The following DMRT2 variants were observed in gnomAD, a reference collection of about 807,000 sequenced individuals.
DMRT2 encodes doublesex- and mab-3-related transcription factor 2.
In DMRT2, 33 loss-of-function variants were observed where a neutral mutation model predicts 43.5. The observed-to-expected ratio is 0.76, with a 90% CI of 0.58 to 1.01. The LOEUF (loss-of-function observed/expected upper bound fraction) is 1.01. Among genes scored for constraint, DMRT2 ranks in the 50% least tolerant of loss-of-function variants. The probability of loss-of-function intolerance (pLI) is 0.00; values close to 1 mark genes in which losing one functional copy is unlikely to be tolerated. For missense variants in DMRT2, 1,064 were observed against 748.0 expected, an observed-to-expected ratio of 1.42 and a Z score of -4.93; for synonymous variants, 395 against 309.2, an observed-to-expected ratio of 1.28 and a Z score of -2.91.
intron 2 of DMRT2, among the ~76,000 whole-genome samples, 184 bp from the exon 3 acceptor site, chr9:1,053,538 C>T (rs1313744965): frequency 2.6e-5 from 4 of 152,228 alleles, no homozygotes; most frequent in Non-Finnish European, 4.4e-5. Flanking sequence ...GTTCCAGCTC[C>T]TTGCCCTAGG....
Position 1,051,115 on chromosome 9 carries a change from T to C in DMRT2, c.-45+340T>C, listed in dbSNP as rs887767392. Among the ~76,000 whole-genome samples, 7 of 152,294 alleles carry C rather than the reference T, an allele frequency of 4.6e-5. No individual in the cohort carries two copies. Among genetic ancestry groups the C allele is most frequent in the Non-Finnish European group, 8.8e-5 (6 of 68,030 alleles). On this transcript the variant is annotated intron_variant, in intron 1 of 3. Coordinates refer to ENST00000358146, the MANE Select transcript of DMRT2 (RefSeq NM_181872.6). This position sits in a 1 kb window ranked among gnomAD's most constrained non-coding sequence, Gnocchi z 5.9. ...GCATTTGGGAAGCATAGAGTGGTAC[T>C]TCAGTGAGTCTGAAGGGCCACTTGT...
Position 1,051,481 on chromosome 9 carries a change from G to A in DMRT2, c.-44-89G>A. 7.2e-7 allele frequency: 1 copy of A among 1,382,082 alleles called. No individual in the cohort carries two copies. Among genetic ancestry groups the A allele is most frequent in the South Asian group, 1.6e-5 (1 of 62,838 alleles). 85.6% of individuals were successfully genotyped at this position (1,382,082 alleles called of 1,614,324 possible). A position where few individuals can be genotyped will look rare whatever the true frequency, so the allele number is the denominator to read the frequency against. On this transcript the variant is annotated intron_variant, in intron 1 of 3. Transcript: ENST00000358146. The surrounding 1 kb of genome is among the most constrained non-coding windows in gnomAD (Gnocchi z 5.9). ...AACAGGATGACTCAAGCGGCCGGAG[G>A]CGGGCAGACCAGGAGCTTTGGGCCG...
intron 2 of DMRT2, 95 bp downstream of exon 2, chr9:1,052,233 G>A (rs1390196721): frequency 1.0e-6 from 1 of 977,866 alleles, no homozygotes; most frequent in South Asian, 2.7e-5. Flanking sequence ...CGCGCCCAGG[G>A]CCTTGCGGTG....
rs1822084090 is a variant in DMRT2, at chr9:1,057,427, C to G, written c.*154C>G. 2.6e-6 allele frequency: 2 copies of G among 783,026 alleles called. No homozygotes were observed. Among genetic ancestry groups the G allele is most frequent in the Non-Finnish European group, 1.9e-6 (1 of 516,374 alleles). 48.5% of individuals were successfully genotyped at this position (783,026 alleles called of 1,614,324 possible). A position where few individuals can be genotyped will look rare whatever the true frequency, so the allele number is the denominator to read the frequency against. On this transcript the variant is annotated 3_prime_UTR_variant, in exon 4 of 4. Transcript: ENST00000358146. Reference sequence around the variant, plus strand: ...TTTATATATTCCTAATATGCATGTACTTTTTCTTATCACATATATTTAAAC... The same window carrying G: ...TTTATATATTCCTAATATGCATGTAGTTTTTCTTATCACATATATTTAAAC...
At chr9:1,052,220 C>G (rs1821645568) in intron 2 of DMRT2, 82 bp downstream of exon 2, 1 of 1,183,046 alleles carries the variant, frequency 8.5e-7, no homozygotes, top group African/African-American at 1.6e-5. Flanking sequence ...CGTCCACACC[C>G]CCCGCGCCCA....
chr9:1,057,117 C>G lies in DMRT2; in HGVS notation c.1530C>G (p.Asp510Glu). ...AACACAGAGAGTGTTTAGTTAAGGA[C>G]AACCAGAAGTACACATTTACAATAG... ...PKKHRECLVKDNQKYTFTIDR... is the reference protein window; with the variant it reads ...PKKHRECLVKENQKYTFTIDR... Residue 510 changes from aspartate (D) to glutamate (E), a missense_variant, in exon 4 of 4, where the codon GAC becomes GAG. Physicochemically the swap from Asp to Glu is conservative, Grantham distance 45 (BLOSUM62 2). Coordinates refer to ENST00000358146, the MANE Select transcript of DMRT2 (RefSeq NM_181872.6). The G allele has an allele frequency of 6.2e-7, 1 of 1,614,088 alleles. No homozygotes were observed. The highest frequency in any genetic ancestry group is 8.5e-7 in the Non-Finnish European group (1 of 1,180,036).
Position 1,056,302 on chromosome 9 carries a change from G to T in DMRT2, c.715G>T (p.Ala239Ser). 1 of 1,614,202 alleles carries T rather than the reference G, an allele frequency of 6.2e-7. No individual in the cohort carries two copies. Among genetic ancestry groups the T allele is most frequent in the South Asian group, 1.1e-5 (1 of 91,082 alleles). Residue 239 changes from alanine to serine, a missense_variant, in exon 4 of 4, where the codon GCC becomes TCC. Transcript: ENST00000358146. ...TAGTGACAGGATGAGGAAAAGAAGA[G>T]CCTTTGCTGATAAAGAGTTGGAGAA... Reference protein sequence around the residue: ...PVSDRMRKRRAFADKELENIM... With the variant: ...PVSDRMRKRRSFADKELENIM...
chr9:1,057,385 T>C lies in DMRT2; in HGVS notation c.*112T>C. On this transcript the variant is annotated 3_prime_UTR_variant, in exon 4 of 4. Transcript: ENST00000358146. ...TGTAAAGAAATTTCTAATGTAAAGA[T>C]GATGATTTTGAAAAATTTTATATAT... 1 of 1,254,638 alleles carries C rather than the reference T, an allele frequency of 8.0e-7. No homozygotes were observed. Among genetic ancestry groups the C allele is most frequent in the South Asian group, 1.6e-5 (1 of 60,668 alleles). The allele number at this position is 1,254,638 out of a possible 1,614,324, so 77.7% of individuals were successfully genotyped here.
At chr9:1,054,895 A>C (rs903787202) in intron 3 of DMRT2, among the ~76,000 whole-genome samples, 1 of 151,772 alleles carries the variant, frequency 6.6e-6, no homozygotes, top group African/African-American at 2.4e-5. Flanking sequence ...AAAAATTTTT[A>C]AGTAGACATT....
intron 3 of DMRT2, among the ~76,000 whole-genome samples, chr9:1,055,567 G>A (rs1189900742): frequency 6.6e-6 from 1 of 151,614 alleles, no homozygotes; most frequent in Admixed American, 6.6e-5. Context: ...AGTGGTATCA[G>A]GGGAAGGGGC....
At position 1,057,411 on chromosome 9, in the gene DMRT2, T is replaced by G; in HGVS notation, c.*138T>G. 2 of 887,712 alleles carry G rather than the reference T, an allele frequency of 2.3e-6. No homozygotes were observed. Among genetic ancestry groups the G allele is most frequent in the South Asian group, 3.9e-5 (2 of 50,840 alleles). 55.0% of individuals were successfully genotyped at this position (887,712 alleles called of 1,614,324 possible). ...GATGATTTTGAAAAATTTTATATAT[T>G]CCTAATATGCATGTACTTTTTCTTA... is the stretch of plus-strand genomic sequence containing the variant. On this transcript the variant is annotated 3_prime_UTR_variant, in exon 4 of 4. Transcript: ENST00000358146.
At chr9:1,054,678 A>C (rs555428700) in intron 3 of DMRT2, 1 of 151,770 alleles carries the variant, frequency 6.6e-6, no homozygotes, top group African/African-American at 2.4e-5. Context: ...TATTGACCTC[A>C]ATAATATATT....
intron 3 of DMRT2, 176 bp from the exon 4 acceptor site, chr9:1,056,040 C>G: frequency 7.0e-7 from 1 of 1,426,306 alleles, no homozygotes; most frequent in African/African-American, 1.4e-5. Context: ...CTTTCACCCT[C>G]CCAGGAAACT....
intron 3 of DMRT2, 98 bp from the exon 4 acceptor site, chr9:1,056,118 G>T (rs1821965945): frequency 2.0e-6 from 3 of 1,512,366 alleles, no homozygotes; most frequent in African/African-American, 1.4e-5. Context: ...GTAAATAATT[G>T]TTCTGCTGAT....
In DMRT2 at chr9:1,056,599, T is replaced by A; in HGVS notation, c.1012T>A (p.Ser338Thr). 6.2e-7 allele frequency: 1 copy of A among 1,614,202 alleles called. No homozygotes were observed. The highest frequency in any genetic ancestry group is 8.5e-7 in the Non-Finnish European group (1 of 1,180,040). Residue 338 changes from serine to threonine, a missense_variant, in exon 4 of 4, where the codon TCC (serine) becomes ACC (threonine). Coordinates refer to ENST00000358146, the MANE Select transcript of DMRT2 (RefSeq NM_181872.6). ...VATTYRQYPL[S>T]SRFLVWPKCG... ...CACAACTTATAGACAGTATCCCTTG[T>A]CCTCAAGATTTTTAGTTTGGCCCAA...
chr9:1,051,906 G>A lies in DMRT2; in HGVS notation c.293G>A (p.Gly98Asp). ...PPLAPQASPA[G>D]TGPRERCTPA... ...CTCGCGCCTCAGGCCTCACCCGCCG[G>A]CACCGGTCCCCGAGAGCGCTGCACT... Residue 98 changes from glycine to aspartate, a missense_variant, in exon 2 of 4, where the codon GGC becomes GAC. Transcript: ENST00000358146. The surrounding 1 kb of genome is among the most constrained non-coding windows in gnomAD (Gnocchi z 5.9). The A allele has an allele frequency of 7.3e-7, 1 of 1,362,164 alleles. No individual in the cohort carries two copies. The allele number at this position is 1,362,164 out of a possible 1,614,324, so 84.4% of individuals were successfully genotyped here.
chr9:1,054,135 C>A (rs1415253150), intron 3 of DMRT2, among the ~76,000 whole-genome samples: 1 of 152,144 alleles, frequency 6.6e-6, no homozygotes, highest in African/African-American at 2.4e-5. Flanking sequence ...TGGTTGTCTG[C>A]TTAGTGGTTA....
chr9:1,052,060 C>T lies in DMRT2; in HGVS notation c.447C>T (p.Cys149=). The T allele has an allele frequency of 1.4e-6, 2 of 1,469,048 alleles. No individual in the cohort carries two copies. The highest frequency in any genetic ancestry group is 1.3e-5 in the South Asian group (1 of 77,278). 91.0% of individuals were successfully genotyped at this position (1,469,048 alleles called of 1,614,324 possible). The change falls in exon 2 of 4, where the codon TGC becomes TGT. Residue 149 remains cysteine, a synonymous_variant. Coordinates refer to ENST00000358146, the MANE Select transcript of DMRT2 (RefSeq NM_181872.6). ...TCTGTCGCTGGCGCGACTGCCAGTGCGCCAACTGCCTGCTGGTGGTGGAGC... is the reference window on the plus strand; with the variant it reads ...TCTGTCGCTGGCGCGACTGCCAGTGTGCCAACTGCCTGCTGGTGGTGGAGC... ...KRFCRWRDCQ[C]ANCLLVVERQ...
intron 3 of DMRT2, 23 bp from the exon 4 acceptor site, chr9:1,056,193 T>C (rs1016665785): frequency 4.4e-6 from 7 of 1,577,024 alleles, no homozygotes; most frequent in Admixed American, 3.9e-5. Flanking sequence ...ATCTCTTTCA[T>C]GTGCAATCTT....
Sources: allele counts gnomAD v4.1 joint callset (sites outside exome capture counted in the v4.1 genomes callset), GRCh38; gene constraint gnomAD v4.1.1; non-coding constraint Gnocchi (gnomAD v3.1); transcripts MANE v1.5; gene names NCBI Gene and HGNC (gene_info 2026-07-23, HGNC 2026-07-21).